The following ERI3 variants were observed in gnomAD, a reference collection of about 807,000 sequenced individuals.
The protein encoded by ERI3 is ERI1 exoribonuclease 3.
A neutral mutation model predicts 44.4 loss-of-function variants in ERI3; 18 were observed. The ratio of observed to expected loss-of-function variants is 0.41; its 90% confidence interval spans 0.28 to 0.60. The LOEUF (loss-of-function observed/expected upper bound fraction) is 0.60. Ranked by LOEUF, ERI3 falls within the 20% of genes least tolerant of loss-of-function variation. The probability of loss-of-function intolerance (pLI) is 0.36; values close to 1 mark genes in which losing one functional copy is unlikely to be tolerated. For synonymous variants in ERI3, 183 were observed against 164.8 expected, an observed-to-expected ratio of 1.11 and a Z score of -0.84; for missense variants, 294 against 435.5, an observed-to-expected ratio of 0.68 and a Z score of 2.89.
chr1:44,296,132 C>T (rs1645606250), intron 6 of ERI3, among the ~76,000 whole-genome samples: 1 of 152,134 alleles, frequency 6.6e-6, no homozygotes. Flanking sequence ...CTCTCTTCTC[C>T]ACCCCCCTCC....
At chr1:44,246,455 A>G (rs1644556422) in intron 8 of ERI3, among the ~76,000 whole-genome samples, 1 of 152,194 alleles carries the variant, frequency 6.6e-6, no homozygotes. Flanking sequence ...TGAAACATCT[A>G]TGCGAGGGAA....
chr1:44,350,496 A>G (rs1194856528), intron 2 of ERI3, among the ~76,000 whole-genome samples: 1 of 152,136 alleles, frequency 6.6e-6, no homozygotes, highest in Non-Finnish European at 1.5e-5. Flanking sequence ...TCCTGGCCTC[A>G]AGTGATCCAC....
At chr1:44,348,485 G>A (rs990714364) in intron 2 of ERI3, among the ~76,000 whole-genome samples, 10 of 152,284 alleles carry the variant, frequency 6.6e-5, no homozygotes, top group South Asian at 2.1e-4. Context: ...TAAATTATCC[G>A]CCTTTTGATT....
chr1:44,294,366 A>G (rs1218212822), intron 6 of ERI3, among the ~76,000 whole-genome samples: 2 of 152,300 alleles, frequency 1.3e-5, no homozygotes, highest in East Asian at 1.9e-4. Context: ...TCTTTATCCT[A>G]TCTGCCAACT....
chr1:44,226,099 C>A (rs1397687594), intron 8 of ERI3, among the ~76,000 whole-genome samples: 1 of 152,038 alleles, frequency 6.6e-6, no homozygotes, highest in Non-Finnish European at 1.5e-5. Context: ...GGGGAGGGAG[C>A]TAGCCCACCT....
intron 2 of ERI3, among the ~76,000 whole-genome samples, chr1:44,343,584 A>C (rs1646726269): frequency 6.6e-6 from 1 of 152,222 alleles, no homozygotes; most frequent in Non-Finnish European, 1.5e-5. Context: ...CATGAATGCC[A>C]AGGAACGTTT....
intron 8 of ERI3, among the ~76,000 whole-genome samples, chr1:44,231,219 A>G (rs1388284163): frequency 6.6e-6 from 1 of 152,186 alleles, no homozygotes; most frequent in African/African-American, 2.4e-5. Flanking sequence ...CTGGCAGTCA[A>G]AAAGTTTCGA....
intron 8 of ERI3, among the ~76,000 whole-genome samples, chr1:44,237,098 C>A (rs775104320): frequency 6.6e-6 from 1 of 152,144 alleles, no homozygotes; most frequent in Non-Finnish European, 1.5e-5. Context: ...AGAAGACCTG[C>A]GTGAGCTTCT....
At chr1:44,353,840 A>G in intron 1 of ERI3, 1 of 985,408 alleles carries the variant, frequency 1.0e-6, no homozygotes, top group Non-Finnish European at 1.2e-6. Flanking sequence ...CACAGAATCT[A>G]TAAAGGAAAC....
intron 2 of ERI3, among the ~76,000 whole-genome samples, chr1:44,350,903 G>T (rs575782301): frequency 6.6e-6 from 1 of 151,830 alleles, no homozygotes; most frequent in African/African-American, 2.4e-5. Flanking sequence ...CAATTTTTAA[G>T]GACCAAAATA....
At chr1:44,354,762 G>A in intron 1 of ERI3, 130 bp downstream of exon 1, 1 of 1,254,508 alleles carries the variant, frequency 8.0e-7, no homozygotes, top group Non-Finnish European at 1.0e-6. Context: ...TTACTCAGTA[G>A]ATTAAGTAAG....
At chr1:44,309,329 T>A (rs1341832554) in intron 5 of ERI3, among the ~76,000 whole-genome samples, 1 of 151,296 alleles carries the variant, frequency 6.6e-6, no homozygotes, top group Non-Finnish European at 1.5e-5. Context: ...ACCCTATCCA[T>A]ACTAAAAATA....
chr1:44,322,645 G>T lies in ERI3; in HGVS notation c.490-2901C>A, dbSNP rs1168071692. On this transcript the variant is annotated intron_variant, in intron 3 of 8. Transcript: ENST00000372257. The stretch of plus-strand genomic sequence containing the variant: ...CACTGGCATATTCACTTGAGCTACT[G>T]AGGATGCAAAAGAGAAGCTTCTGAG... 3 of 1,463,562 alleles carry T rather than the reference G, an allele frequency of 2.0e-6. No homozygotes were observed. In the Admixed American group the frequency reaches 7.4e-5, roughly 36 times the overall value. 90.7% of individuals were successfully genotyped at this position (1,463,562 alleles called of 1,614,324 possible). A position where few individuals can be genotyped will look rare whatever the true frequency, so the allele number is the denominator to read the frequency against.
intron 2 of ERI3, among the ~76,000 whole-genome samples, chr1:44,342,838 T>TAA (rs1646698262): frequency 3.5e-5 from 1 of 28,492 alleles, no homozygotes; most frequent in Non-Finnish European, 6.3e-5. Flanking sequence ...TATATATATA[T>TAA]ATATATATAT....
intron 6 of ERI3, among the ~76,000 whole-genome samples, chr1:44,306,442 G>A (rs1645834700): frequency 6.6e-6 from 1 of 152,154 alleles, no homozygotes; most frequent in Admixed American, 6.5e-5. Context: ...ATTAAGACTT[G>A]GCTTCCTTTC....
At chr1:44,288,042 G>A (rs1645430454) in intron 6 of ERI3, among the ~76,000 whole-genome samples, 1 of 152,178 alleles carries the variant, frequency 6.6e-6, no homozygotes, top group Non-Finnish European at 1.5e-5. Flanking sequence ...TTTAAGGGTA[G>A]ACATAGCTGT....
intron 6 of ERI3, among the ~76,000 whole-genome samples, chr1:44,300,616 T>G (rs1160834041): frequency 6.6e-6 from 1 of 152,110 alleles, no homozygotes; most frequent in Admixed American, 6.5e-5. Context: ...CCAGAAGAGA[T>G]GCTTTGGCTC....
chr1:44,284,466 G>A (rs1645351388), intron 7 of ERI3, among the ~76,000 whole-genome samples: 1 of 152,174 alleles, frequency 6.6e-6, no homozygotes, highest in African/African-American at 2.4e-5. Flanking sequence ...TGATAACAAA[G>A]GAGAATACTT....
chr1:44,278,439 T>C (rs1241720393), intron 7 of ERI3, among the ~76,000 whole-genome samples: 1 of 147,706 alleles, frequency 6.8e-6, no homozygotes, highest in Non-Finnish European at 1.5e-5. Context: ...ATCATGCCAC[T>C]GCACTTTAGC....
Sources: allele counts gnomAD v4.1 joint callset (sites outside exome capture counted in the v4.1 genomes callset), GRCh38; gene constraint gnomAD v4.1.1; transcripts MANE v1.5; gene names NCBI Gene and HGNC (gene_info 2026-07-23, HGNC 2026-07-21).